GPHN: variants seen among roughly 807,000 people sequenced by gnomAD.
The protein encoded by GPHN is gephyrin.
Under a neutral mutation model 95.5 loss-of-function variants are expected in GPHN, and 17 were observed. That is an observed-to-expected ratio of 0.18 (90% CI 0.12 to 0.27). The LOEUF is 0.27. Ranked by LOEUF, GPHN falls within the 10% of genes least tolerant of loss-of-function variation. The probability of loss-of-function intolerance (pLI) is 1.00; values close to 1 mark genes in which losing one functional copy is unlikely to be tolerated. For synonymous variants in GPHN, 320 were observed against 322.5 expected (o/e 0.99, Z 0.08); for missense variants, 660 against 978.1 (o/e 0.67, Z 4.34).
chr14:67,428,291 G>A, the GPHN span, among the ~76,000 whole-genome samples: 6 of 152,274 alleles, frequency 3.9e-5, no homozygotes, highest in African/African-American at 1.4e-4. Flanking sequence ...ACTGCTTCCA[G>A]TGCAGCAGCA....
intron 8 of GPHN, among the ~76,000 whole-genome samples, chr14:66,932,160 A>G (rs1224162414): frequency 6.6e-6 from 1 of 152,232 alleles, no homozygotes; most frequent in Non-Finnish European, 1.5e-5. Context: ...AATAAGATCC[A>G]GGAGAATTCC....
intron 19 of GPHN, among the ~76,000 whole-genome samples, chr14:67,160,870 T>C (rs1237577009): frequency 6.6e-6 from 1 of 152,242 alleles, no homozygotes; most frequent in Non-Finnish European, 1.5e-5. Context: ...ATTTTTAGTA[T>C]AGAATTAAGA....
At chr14:66,519,186 A>G (rs1164132687) in intron 1 of GPHN, among the ~76,000 whole-genome samples, 1 of 152,002 alleles carries the variant, frequency 6.6e-6, no homozygotes, top group African/African-American at 2.4e-5. Flanking sequence ...CATTCTTTTA[A>G]TTAGTTAAAT....
chr14:66,718,509 G>A (rs180711649), intron 2 of GPHN, among the ~76,000 whole-genome samples: 65 of 152,300 alleles, frequency 4.3e-4, no homozygotes, highest in Non-Finnish European at 7.2e-4. Context: ...CTTCCACAGC[G>A]TGGAAGGGGA....
At chr14:67,075,117 C>G (rs2076447071) in intron 11 of GPHN, among the ~76,000 whole-genome samples, 1 of 152,154 alleles carries the variant, frequency 6.6e-6, no homozygotes, top group South Asian at 2.1e-4. Flanking sequence ...ATAGGACAGG[C>G]TGATTCTCCT....
the GPHN span, among the ~76,000 whole-genome samples, chr14:67,255,373 C>T: frequency 6.6e-6 from 1 of 152,040 alleles, no homozygotes; most frequent in African/African-American, 2.4e-5. Context: ...GAATCATGAA[C>T]CTGACATATT....
chr14:66,792,992 A>G (rs1035083419), intron 3 of GPHN, among the ~76,000 whole-genome samples: 63 of 145,718 alleles, frequency 4.3e-4, no homozygotes, highest in Admixed American at 7.5e-4. Context: ...CGCTCATGCT[A>G]TTGTTTGTGG....
At chr14:67,429,372 A>G in the GPHN span, among the ~76,000 whole-genome samples, 2 of 151,726 alleles carry the variant, frequency 1.3e-5, no homozygotes, top group African/African-American at 4.8e-5. Context: ...CTAGGATTAC[A>G]GGCACCCACC....
intron 3 of GPHN, among the ~76,000 whole-genome samples, chr14:66,811,619 T>G (rs2060769788): frequency 6.6e-6 from 1 of 152,088 alleles, no homozygotes; most frequent in South Asian, 2.1e-4. Context: ...CAACTGTCAT[T>G]TCTAGAACCT....
chr14:66,773,012 A>T (rs763974105), intron 2 of GPHN, among the ~76,000 whole-genome samples: 3 of 151,870 alleles, frequency 2.0e-5, no homozygotes, highest in Non-Finnish European at 4.4e-5. Flanking sequence ...TACTTCCTTC[A>T]TTGCTGTTTA....
the GPHN span, among the ~76,000 whole-genome samples, chr14:67,370,977 C>T: frequency 0.016 from 2,502 of 151,646 alleles, 32 homozygotes; most frequent in Middle Eastern, 0.097. Context: ...TGCAGTAAGC[C>T]GAGGTCATGC....
At chr14:67,495,446 T>C in the GPHN span, among the ~76,000 whole-genome samples, 2 of 152,282 alleles carry the variant, frequency 1.3e-5, no homozygotes, top group East Asian at 3.9e-4. Flanking sequence ...CAGCCCATAA[T>C]AATGAGTCAG....
chr14:66,934,101 T>TA (rs1437971979), intron 8 of GPHN, among the ~76,000 whole-genome samples: 1 of 142,860 alleles, frequency 7.0e-6, no homozygotes. Flanking sequence ...ATCATACTAC[T>TA]GCACTTCAAC....
chr14:66,692,986 A>T (rs1379467096), intron 2 of GPHN, among the ~76,000 whole-genome samples: 1 of 152,062 alleles, frequency 6.6e-6, no homozygotes, highest in East Asian at 1.9e-4. Flanking sequence ...TGTGGGTAAC[A>T]TCTATTGATA....
the GPHN span, chr14:67,203,110 A>T: frequency 6.2e-7 from 1 of 1,613,124 alleles, no homozygotes. Context: ...AGAAGAGGTG[A>T]ATCCATTTAC....
At chr14:66,573,856 C>G (rs2060800112) in intron 1 of GPHN, among the ~76,000 whole-genome samples, 1 of 152,014 alleles carries the variant, frequency 6.6e-6, no homozygotes, top group African/African-American at 2.4e-5. Flanking sequence ...CCTGGGGTAC[C>G]TTTTGCTATC....
At chr14:67,585,502 G>GA in the GPHN span, 3 of 1,120,956 alleles carry the variant, frequency 2.7e-6, no homozygotes, top group Non-Finnish European at 3.9e-6. Flanking sequence ...TTCTTTCTCA[G>GA]AAAGTTATTA....
chr14:67,312,572 T>C, the GPHN span: 5 of 1,613,018 alleles, frequency 3.1e-6, no homozygotes, highest in South Asian at 4.4e-5. Flanking sequence ...AGATGACCCT[T>C]ATGTTCCATG....
At chr14:67,195,712 GTTGT>G in the GPHN span, among the ~76,000 whole-genome samples, 1 of 101,700 alleles carries the variant, frequency 9.8e-6, no homozygotes, top group Non-Finnish European at 1.9e-5. Flanking sequence ...TTTCTTTTTG[GTTGT>G]GTGTGTGTGT....
Sources: allele counts gnomAD v4.1 joint callset (sites outside exome capture counted in the v4.1 genomes callset), GRCh38; gene constraint gnomAD v4.1.1; transcripts MANE v1.5; gene names NCBI Gene and HGNC (gene_info 2026-07-23, HGNC 2026-07-21).